Variants in PREX1 observed in about 807,000 individuals in gnomAD.
The protein encoded by PREX1 is phosphatidylinositol 3,4,5-trisphosphate-dependent Rac exchanger 1 protein.
In PREX1, 41 loss-of-function variants were observed where a neutral mutation model predicts 198.3. The observed-to-expected ratio is 0.21, with a 90% confidence interval of 0.16 to 0.27. The LOEUF is 0.27. Among genes scored for constraint, PREX1 ranks in the 10% least tolerant of loss-of-function variants. The probability of loss-of-function intolerance (pLI) is 1.00; values close to 1 mark genes in which losing one functional copy is unlikely to be tolerated. For missense variants in PREX1, 1,620 were observed against 2,200.7 expected, an observed-to-expected ratio of 0.74 and a Z score of 5.28; for synonymous variants, 843 against 887.2, an observed-to-expected ratio of 0.95 and a Z score of 0.89.
chr20:48,799,640 G>A (rs1021802191), intron 1 of PREX1, among the ~76,000 whole-genome samples: 1 of 152,050 alleles, frequency 6.6e-6, no homozygotes, highest in Non-Finnish European at 1.5e-5. Flanking sequence ...TTGGCTTCCT[G>A]TGTACCCCAT....
intron 35 of PREX1, 111 bp downstream of exon 35, chr20:48,632,164 GGT>G: frequency 1.0e-6 from 1 of 953,018 alleles, no homozygotes; most frequent in Non-Finnish European, 1.7e-6. Context: ...CTCAAGAAAG[GGT>G]GTGCGGCCCA....
the PREX1 span, among the ~76,000 whole-genome samples, chr20:48,875,572 C>A: frequency 6.6e-6 from 1 of 152,108 alleles, no homozygotes; most frequent in Non-Finnish European, 1.5e-5. Flanking sequence ...GTATTGTGTA[C>A]GTTGTGTGAT....
the PREX1 span, among the ~76,000 whole-genome samples, chr20:48,883,473 G>A: frequency 4.5e-4 from 68 of 152,148 alleles, no homozygotes; most frequent in Admixed American, 1.6e-3. Flanking sequence ...ACTTTCAGAT[G>A]TCTTGATCCT....
the PREX1 span, among the ~76,000 whole-genome samples, chr20:48,887,394 A>G: frequency 6.6e-6 from 1 of 152,082 alleles, no homozygotes; most frequent in Non-Finnish European, 1.5e-5. Flanking sequence ...CATGGAAAAC[A>G]TGGCAAAACC....
intron 1 of PREX1, among the ~76,000 whole-genome samples, chr20:48,807,810 G>A (rs137895879): frequency 4.5e-4 from 68 of 152,188 alleles, no homozygotes; most frequent in African/African-American, 1.6e-3. Flanking sequence ...GACTGATAGG[G>A]TTTCTCAGCG....
chr20:48,753,532 A>G (rs909918494), intron 1 of PREX1, among the ~76,000 whole-genome samples: 4 of 152,178 alleles, frequency 2.6e-5, no homozygotes, highest in Admixed American at 1.3e-4. Context: ...GGACAACCCC[A>G]CAAAGACACA....
At chr20:48,686,902 C>T (rs919884708) in intron 10 of PREX1, among the ~76,000 whole-genome samples, 1 of 152,230 alleles carries the variant, frequency 6.6e-6, no homozygotes, top group Non-Finnish European at 1.5e-5. Flanking sequence ...GCCCAACATC[C>T]ATACTGCACC....
chr20:48,872,119 A>C, the PREX1 span, among the ~76,000 whole-genome samples: 15,152 of 147,780 alleles, frequency 0.1, 876 homozygotes, highest in Middle Eastern at 0.16. Context: ...AGATCATGCC[A>C]CTGCACTCCA....
intron 15 of PREX1, among the ~76,000 whole-genome samples, chr20:48,663,313 C>T (rs1347700057): frequency 6.6e-5 from 10 of 152,246 alleles, no homozygotes. Context: ...GTCTCCAGCA[C>T]GTGGCTCACT....
chr20:48,689,881 G>A (rs1419060173), intron 9 of PREX1, among the ~76,000 whole-genome samples: 1 of 152,262 alleles, frequency 6.6e-6, no homozygotes, highest in East Asian at 1.9e-4. Context: ...AGAGGATGGT[G>A]GCTTGTCTTG....
At chr20:48,677,971 C>G (rs1260170346) in intron 13 of PREX1, among the ~76,000 whole-genome samples, 1 of 151,538 alleles carries the variant, frequency 6.6e-6, no homozygotes, top group African/African-American at 2.4e-5. Flanking sequence ...GGGCAACAGA[C>G]CGAGACTCCG....
At chr20:48,803,316 A>G (rs1902078485) in intron 1 of PREX1, among the ~76,000 whole-genome samples, 1 of 151,990 alleles carries the variant, frequency 6.6e-6, no homozygotes, top group Non-Finnish European at 1.5e-5. Flanking sequence ...TCAGACCCAA[A>G]ATAGGATCCA....
At chr20:48,828,382 C>T (rs905557284), upstream of PREX1, among the ~76,000 whole-genome samples, 3 of 152,244 alleles carry the variant, frequency 2.0e-5, no homozygotes, top group Admixed American at 6.5e-5. Context: ...CGACACCCGC[C>T]GCGCGCAGGC....
chr20:48,708,635 A>T (rs1398209317), intron 5 of PREX1, among the ~76,000 whole-genome samples: 2 of 152,186 alleles, frequency 1.3e-5, no homozygotes, highest in East Asian at 3.9e-4. Flanking sequence ...AGAATGAGGG[A>T]GAGGGAAGCA....
At chr20:48,751,699 T>C (rs1382613072) in intron 1 of PREX1, among the ~76,000 whole-genome samples, 1 of 152,134 alleles carries the variant, frequency 6.6e-6, no homozygotes, top group Non-Finnish European at 1.5e-5. Context: ...CTCCGAAGCC[T>C]CCCTTAGACA....
In PREX1 at chr20:48,634,781, G is replaced by A. The variant is rs2089348946; in HGVS notation, c.4168-6C>T. 2 of 1,613,606 alleles carry A rather than the reference G, an allele frequency of 1.2e-6. No homozygotes were observed. Among genetic ancestry groups the A allele is most frequent in the Middle Eastern group, 1.6e-4 (1 of 6,080 alleles). On this transcript the variant is annotated splice_region_variant and splice_polypyrimidine_tract_variant and intron_variant, in intron 32 of 39. Coordinates refer to ENST00000371941, the MANE Select transcript of PREX1 (RefSeq NM_020820.4). Reference sequence around the variant, plus strand: ...AGCATGGTCCGTTCCTCCTTCTGCAGGAAGAAGACAGCGCGGAGGAGTCTC... The same window carrying A: ...AGCATGGTCCGTTCCTCCTTCTGCAAGAAGAAGACAGCGCGGAGGAGTCTC...
intron 14 of PREX1, among the ~76,000 whole-genome samples, chr20:48,674,510 CA>C (rs936359007): frequency 6.6e-6 from 1 of 152,148 alleles, no homozygotes; most frequent in African/African-American, 2.4e-5. Flanking sequence ...CTTTGGGAGC[CA>C]ATGTGTTCTT....
intron 9 of PREX1, among the ~76,000 whole-genome samples, chr20:48,689,445 T>C (rs1457958192): frequency 1.3e-5 from 2 of 152,158 alleles, no homozygotes; most frequent in African/African-American, 2.4e-5. Context: ...GGTTGCCCAA[T>C]TGGAAGTGGT....
intron 3 of PREX1, among the ~76,000 whole-genome samples, chr20:48,744,214 G>A (rs2090097256): frequency 6.6e-6 from 1 of 152,146 alleles, no homozygotes; most frequent in Non-Finnish European, 1.5e-5. Context: ...AACCAAAAAT[G>A]TGTCTGGACA....
Sources: gnomAD v4.1 joint callset for allele counts (sites outside exome capture counted in the v4.1 genomes callset) on GRCh38, gnomAD v4.1.1 for gene constraint, MANE v1.5 for transcripts, NCBI Gene and HGNC (gene_info 2026-07-23, HGNC 2026-07-21) for gene names.